The following MEF2A variants were observed in gnomAD, a reference collection of about 807,000 sequenced individuals.
MEF2A encodes myocyte-specific enhancer factor 2A.
Under a neutral mutation model 55.8 loss-of-function variants are expected in MEF2A, and 28 were observed. That is an observed-to-expected ratio of 0.50 (90% CI 0.37 to 0.69). The LOEUF is 0.69. Among genes scored for constraint, MEF2A ranks in the 30% least tolerant of loss-of-function variants. The probability of loss-of-function intolerance (pLI) is 0.00; values close to 1 mark genes in which losing one functional copy is unlikely to be tolerated. For missense variants in MEF2A, 528 were observed against 626.2 expected (o/e 0.84, Z 1.67); for synonymous variants, 239 against 227.1 (o/e 1.05, Z -0.47).
intron 7 of MEF2A, among the ~76,000 whole-genome samples, chr15:99,676,900 A>G (rs1310305241): frequency 2.0e-5 from 3 of 152,124 alleles, no homozygotes; most frequent in African/African-American, 7.2e-5. Context: ...CCGGAAAAGC[A>G]AATAGTCTCT....
chr15:99,640,229 CA>C (rs938202431), intron 3 of MEF2A, among the ~76,000 whole-genome samples: 19 of 152,170 alleles, frequency 1.2e-4, no homozygotes, highest in Non-Finnish European at 2.1e-4. Flanking sequence ...GTTTTTTGTT[CA>C]TTGAGACTTA....
intron 3 of MEF2A, among the ~76,000 whole-genome samples, chr15:99,637,023 T>C (rs1330818154): frequency 6.6e-6 from 1 of 152,202 alleles, no homozygotes; most frequent in East Asian, 1.9e-4. Context: ...TTCTAAATTC[T>C]CTGTTTTGTT....
At chr15:99,575,629 A>G (rs1964029707) in intron 1 of MEF2A, among the ~76,000 whole-genome samples, 1 of 152,020 alleles carries the variant, frequency 6.6e-6, no homozygotes, top group Non-Finnish European at 1.5e-5. Context: ...TTACTGAATA[A>G]TCTGTTGGAG....
intron 1 of MEF2A, among the ~76,000 whole-genome samples, chr15:99,574,144 G>C (rs1228351750): frequency 6.6e-6 from 1 of 152,094 alleles, no homozygotes; most frequent in African/African-American, 2.4e-5. Context: ...AGATTCACCA[G>C]TTGTTACCAT....
chr15:99,594,021 C>G (rs906304777), intron 1 of MEF2A, among the ~76,000 whole-genome samples: 1 of 152,082 alleles, frequency 6.6e-6, no homozygotes, highest in Non-Finnish European at 1.5e-5. Flanking sequence ...TTCCCACTTA[C>G]CAAGTAGTTC....
intron 1 of MEF2A, among the ~76,000 whole-genome samples, chr15:99,590,401 T>C (rs1968864893): frequency 6.7e-6 from 1 of 149,802 alleles, no homozygotes; most frequent in Non-Finnish European, 1.5e-5. Context: ...GGGTCTTGTT[T>C]TTTTACTTAA....
intron 2 of MEF2A, among the ~76,000 whole-genome samples, chr15:99,632,075 C>G (rs1316936842): frequency 6.6e-6 from 1 of 152,176 alleles, no homozygotes; most frequent in Non-Finnish European, 1.5e-5. Flanking sequence ...ACACAGCCAT[C>G]ATTCAGAACA....
At chr15:99,708,405 A>G (rs991654230) in intron 10 of MEF2A, among the ~76,000 whole-genome samples, 4 of 152,326 alleles carry the variant, frequency 2.6e-5, no homozygotes, top group African/African-American at 7.2e-5. Flanking sequence ...AAATTCCACT[A>G]TACTTATTTT....
rs940195419 is a variant in MEF2A at position 99,713,715 on chromosome 15, C to T, written c.*944C>T. ...GTTGTAACTTTTTTTTAGAGAATAG[C>T]TTTATCTTGGTTTAACTCTTTAGTT... is the stretch of plus-strand genomic sequence containing the variant. On this transcript the variant is annotated 3_prime_UTR_variant, in exon 12 of 12. Coordinates refer to ENST00000557942, the MANE Select transcript of MEF2A (RefSeq NM_001319206.4). 3 of 151,544 alleles carry T rather than the reference C, an allele frequency of 2.0e-5. No homozygotes were observed. The highest frequency in any genetic ancestry group is 7.3e-5 in the African/African-American group (3 of 41,238). 9.4% of individuals were successfully genotyped at this position (151,544 alleles called of 1,614,324 possible). A position where few individuals can be genotyped will look rare whatever the true frequency, so the allele number is the denominator to read the frequency against.
intron 3 of MEF2A, among the ~76,000 whole-genome samples, chr15:99,639,986 T>C (rs1047109831): frequency 6.6e-6 from 1 of 152,232 alleles, no homozygotes; most frequent in African/African-American, 2.4e-5. Flanking sequence ...TAAACACTTT[T>C]ATGACGGGAC....
intron 2 of MEF2A, among the ~76,000 whole-genome samples, chr15:99,629,971 G>A (rs557709418): frequency 6.6e-6 from 1 of 151,468 alleles, no homozygotes; most frequent in Admixed American, 6.6e-5. Flanking sequence ...GGGGGTGGGG[G>A]ACCTCCTTCT....
intron 3 of MEF2A, among the ~76,000 whole-genome samples, chr15:99,642,975 G>A (rs1276961774): frequency 6.6e-6 from 1 of 152,104 alleles, no homozygotes; most frequent in Non-Finnish European, 1.5e-5. Flanking sequence ...GGAGTAGAGA[G>A]GAGTAAACAT....
chr15:99,679,610 G>C (rs922871699), intron 7 of MEF2A, among the ~76,000 whole-genome samples: 1 of 152,118 alleles, frequency 6.6e-6, no homozygotes, highest in Non-Finnish European at 1.5e-5. Context: ...TGGGTAGGTG[G>C]GACTCTCGGA....
At chr15:99,662,760 G>A (rs959091125) in intron 4 of MEF2A, among the ~76,000 whole-genome samples, 2 of 152,192 alleles carry the variant, frequency 1.3e-5, no homozygotes, top group African/African-American at 4.8e-5. Context: ...TTACAGGCAT[G>A]AGCCACCGCG....
chr15:99,709,718 A>G (rs750759378), intron 10 of MEF2A, among the ~76,000 whole-genome samples: 1 of 152,228 alleles, frequency 6.6e-6, no homozygotes, highest in Admixed American at 6.5e-5. Context: ...ATGAGCTGAA[A>G]TAACTCCCCG....
At chr15:99,573,476 G>A (rs960452240) in intron 1 of MEF2A, among the ~76,000 whole-genome samples, 1 of 152,128 alleles carries the variant, frequency 6.6e-6, no homozygotes, top group Admixed American at 6.5e-5. Context: ...AGCACAAGGG[G>A]CATTTCCTCA....
chr15:99,594,831 G>T (rs1970619829), intron 1 of MEF2A, among the ~76,000 whole-genome samples: 1 of 152,042 alleles, frequency 6.6e-6, no homozygotes, highest in African/African-American at 2.4e-5. Context: ...ATTTTAAAGG[G>T]TGTTATGAAA....
At chr15:99,683,404 C>T (rs1480893432) in intron 7 of MEF2A, among the ~76,000 whole-genome samples, 1 of 152,114 alleles carries the variant, frequency 6.6e-6, no homozygotes, top group Non-Finnish European at 1.5e-5. Flanking sequence ...ATCTGGAACT[C>T]AGAAATTCTT....
intron 8 of MEF2A, among the ~76,000 whole-genome samples, chr15:99,702,282 C>T (rs1168956303): frequency 1.3e-5 from 2 of 152,150 alleles, no homozygotes; most frequent in Non-Finnish European, 2.9e-5. Flanking sequence ...ATTAGGGCTT[C>T]ATGTATCAGT....
Sources: allele counts gnomAD v4.1 joint callset (sites outside exome capture counted in the v4.1 genomes callset), GRCh38; gene constraint gnomAD v4.1.1; transcripts MANE v1.5; gene names NCBI Gene and HGNC (gene_info 2026-07-23, HGNC 2026-07-21).